The following TASP1 variants were observed in gnomAD, a reference collection of about 807,000 sequenced individuals.
TASP1 encodes threonine aspartase 1.
A neutral mutation model predicts 56.6 loss-of-function variants in TASP1; 16 were observed. The ratio of observed to expected loss-of-function variants is 0.28; its 90% confidence interval spans 0.19 to 0.43. The LOEUF (loss-of-function observed/expected upper bound fraction) is 0.43. TASP1 is among the 20% of genes least tolerant of loss of function. TASP1 has a pLI of 1.00. For synonymous variants in TASP1, 179 were observed against 184.2 expected (o/e 0.97, Z 0.23); for missense variants, 393 against 511.6 (o/e 0.77, Z 2.24).
rs538430942 is a variant in TASP1 at position 13,483,121 on chromosome 20, C to T, written c.985+106G>A. The T allele has an allele frequency of 1.9e-4, 145 of 769,994 alleles. No individual in the cohort carries two copies. In the African/African-American group the frequency reaches 2.4e-3, roughly 13 times the overall value. The allele number at this position is 769,994 out of a possible 1,614,324, so 47.7% of individuals were successfully genotyped here. A position where few individuals can be genotyped will look rare whatever the true frequency, so the allele number is the denominator to read the frequency against. On this transcript the variant is annotated intron_variant, in intron 11 of 13. Transcript: ENST00000337743. ...CTGTGGTTCTTTTCCTCTGCTAGACCCTAGAGGTAGGTCTAGAAATACAAA... is the reference window on the plus strand; with the variant it reads ...CTGTGGTTCTTTTCCTCTGCTAGACTCTAGAGGTAGGTCTAGAAATACAAA...
At chr20:13,404,018 A>G (rs1044797116) in intron 13 of TASP1, among the ~76,000 whole-genome samples, 1 of 152,216 alleles carries the variant, frequency 6.6e-6, no homozygotes, top group African/African-American at 2.4e-5. Flanking sequence ...AATGATTTGT[A>G]TCCCCATGAA....
At chr20:13,146,023 C>T in the TASP1 span, among the ~76,000 whole-genome samples, 1 of 152,186 alleles carries the variant, frequency 6.6e-6, no homozygotes, top group Non-Finnish European at 1.5e-5. Flanking sequence ...ATGGAATCAA[C>T]CTAAATCCTT....
chr20:13,582,255 T>A (rs113571214), intron 5 of TASP1, among the ~76,000 whole-genome samples: 12 of 152,074 alleles, frequency 7.9e-5, no homozygotes, highest in African/African-American at 2.9e-4. Flanking sequence ...TCCAAATCTT[T>A]ACTCCAACTT....
At chr20:13,110,182 G>A in the TASP1 span, 1 of 1,613,586 alleles carries the variant, frequency 6.2e-7, no homozygotes, top group Non-Finnish European at 8.5e-7. Context: ...GCAGAGCTTG[G>A]AAAAAGATTC....
intron 11 of TASP1, among the ~76,000 whole-genome samples, chr20:13,478,374 CG>C (rs2043018645): frequency 6.6e-6 from 1 of 151,408 alleles, no homozygotes; most frequent in Non-Finnish European, 1.5e-5. Flanking sequence ...CACACACACA[CG>C]AATACTATTC....
At chr20:13,475,955 T>C (rs1358574533) in intron 11 of TASP1, among the ~76,000 whole-genome samples, 2 of 141,766 alleles carry the variant, frequency 1.4e-5, no homozygotes, top group East Asian at 2.1e-4. Context: ...CCGTCTCTAC[T>C]AAAAATACAA....
In TASP1 at chr20:13,434,913, G is replaced by C. The variant is rs149739553; in HGVS notation, c.1096+131C>G. On this transcript the variant is annotated intron_variant, in intron 12 of 13. Coordinates refer to ENST00000337743, the MANE Select transcript of TASP1 (RefSeq NM_017714.3). ...TACGGAAAAAGATCAGTAGAACAGG[G>C]ATGTTCAGATATCAATAAAGCATGC... 5.4e-3 allele frequency: 3,142 copies of C among 579,242 alleles called. 16 individuals are homozygous for C. Among genetic ancestry groups the C allele is most frequent in the South Asian group, 8.7e-3 (336 of 38,536 alleles). 35.9% of individuals were successfully genotyped at this position (579,242 alleles called of 1,614,324 possible).
chr20:13,300,417 G>T, the TASP1 span: 1 of 152,012 alleles, frequency 6.6e-6, no homozygotes, highest in Non-Finnish European at 1.5e-5. Context: ...ATATAAAAGG[G>T]GGGGAGGGTC....
intron 6 of TASP1, 100 bp from the exon 7 acceptor site, chr20:13,569,686 G>T: frequency 4.2e-6 from 4 of 950,672 alleles, no homozygotes; most frequent in Non-Finnish European, 6.2e-6. Context: ...AAAAAGTCTT[G>T]CATATGGACA....
At chr20:13,174,120 G>C in the TASP1 span, among the ~76,000 whole-genome samples, 1 of 152,156 alleles carries the variant, frequency 6.6e-6, no homozygotes. Flanking sequence ...GTATATATGT[G>C]AATGATGTGA....
At chr20:13,270,725 G>T in the TASP1 span, 1 of 1,613,728 alleles carries the variant, frequency 6.2e-7, no homozygotes, top group Non-Finnish European at 8.5e-7. Flanking sequence ...ATATCAATGG[G>T]CAGAATCCAA....
At chr20:13,612,550 T>C (rs1196312015) in intron 4 of TASP1, among the ~76,000 whole-genome samples, 1 of 148,708 alleles carries the variant, frequency 6.7e-6, no homozygotes, top group Non-Finnish European at 1.5e-5. Flanking sequence ...CAGAAGCGCA[T>C]GGGAGGTGGG....
intron 13 of TASP1, among the ~76,000 whole-genome samples, chr20:13,407,063 A>G (rs936884637): frequency 1.3e-5 from 2 of 152,202 alleles, no homozygotes; most frequent in Non-Finnish European, 2.9e-5. Context: ...AGAGTAAATT[A>G]TATCAATTAA....
At chr20:13,462,449 G>A (rs992931812) in intron 11 of TASP1, among the ~76,000 whole-genome samples, 15 of 152,292 alleles carry the variant, frequency 9.8e-5, no homozygotes, top group Middle Eastern at 3.4e-3. Flanking sequence ...CATGCACATT[G>A]ATTTTGATAG....
the TASP1 span, among the ~76,000 whole-genome samples, chr20:13,325,180 G>A: frequency 2.0e-5 from 3 of 152,216 alleles, no homozygotes; most frequent in Non-Finnish European, 4.4e-5. Flanking sequence ...GTGGGGGGAT[G>A]GCCCTGGAGT....
chr20:13,407,106 T>G (rs1279984053), intron 13 of TASP1, among the ~76,000 whole-genome samples: 1 of 152,248 alleles, frequency 6.6e-6, no homozygotes, highest in East Asian at 1.9e-4. Flanking sequence ...ATATAATTCA[T>G]ATATCAGAAA....
At chr20:13,587,105 T>C (rs1357675881) in intron 5 of TASP1, 145 bp downstream of exon 5, 3 of 1,051,474 alleles carry the variant, frequency 2.9e-6, no homozygotes, top group East Asian at 2.7e-5. Context: ...TAAGACTGTA[T>C]GTTTTAAATT....
the TASP1 span, among the ~76,000 whole-genome samples, chr20:13,276,357 G>A: frequency 2.6e-5 from 4 of 151,850 alleles, no homozygotes; most frequent in Non-Finnish European, 5.9e-5. Context: ...GTGCATTTCC[G>A]AGCAAGAATC....
the TASP1 span, among the ~76,000 whole-genome samples, chr20:13,258,799 G>A: frequency 6.6e-6 from 1 of 152,042 alleles, no homozygotes; most frequent in Non-Finnish European, 1.5e-5. Context: ...ATGGCCTTCT[G>A]TTCTCCCCAT....
Sources: allele counts gnomAD v4.1 joint callset (sites outside exome capture counted in the v4.1 genomes callset), GRCh38; gene constraint gnomAD v4.1.1; transcripts MANE v1.5; gene names NCBI Gene and HGNC (gene_info 2026-07-23, HGNC 2026-07-21).